The following TNFSF4 variants were observed in gnomAD, a reference collection of about 807,000 sequenced individuals.
TNFSF4 encodes TNF superfamily member 4, also known as tumor necrosis factor ligand superfamily member 4.
Under a neutral mutation model 7.3 loss-of-function variants are expected in TNFSF4, and 4 were observed. The observed-to-expected ratio is 0.55, with a 90% CI of 0.27 to 1.25. The LOEUF is 1.25. Ranked by LOEUF, TNFSF4 falls within the 50% of genes most tolerant of loss-of-function variation. The pLI, the probability that TNFSF4 is intolerant of heterozygous loss-of-function variation, is 0.12. For missense variants in TNFSF4, 181 were observed against 208.8 expected (o/e 0.87, Z 0.82); for synonymous variants, 76 against 83.7 (o/e 0.91, Z 0.50).
At chr1:173,283,902 C>T in the TNFSF4 span, among the ~76,000 whole-genome samples, 4,214 of 127,658 alleles carry the variant, frequency 0.033, 175 homozygotes, top group African/African-American at 0.11. Context: ...CCTCTTGTGC[C>T]AAACGGTTGG....
chr1:173,255,284 C>A, the TNFSF4 span, among the ~76,000 whole-genome samples: 5 of 152,264 alleles, frequency 3.3e-5, no homozygotes, highest in African/African-American at 1.2e-4. Context: ...CCCTAAAGTT[C>A]TGAACAGACT....
At chr1:173,282,475 T>C in the TNFSF4 span, among the ~76,000 whole-genome samples, 2 of 151,988 alleles carry the variant, frequency 1.3e-5, no homozygotes, top group Non-Finnish European at 2.9e-5. Flanking sequence ...TTTTTTTTTT[T>C]TGAGACAGAG....
the TNFSF4 span, among the ~76,000 whole-genome samples, chr1:173,244,278 A>G: frequency 6.6e-6 from 1 of 152,206 alleles, no homozygotes; most frequent in Non-Finnish European, 1.5e-5. Context: ...AGTGTCAGCT[A>G]GACAGTGCAA....
At chr1:173,203,891 T>C (rs951676570) in intron 1 of TNFSF4, among the ~76,000 whole-genome samples, 23 of 152,224 alleles carry the variant, frequency 1.5e-4, no homozygotes, top group African/African-American at 5.5e-4. Context: ...CAGGTAAGAC[T>C]GGAAGCCTGA....
the TNFSF4 span, among the ~76,000 whole-genome samples, chr1:173,326,317 C>T: frequency 6.6e-6 from 1 of 152,192 alleles, no homozygotes; most frequent in Non-Finnish European, 1.5e-5. Flanking sequence ...AATTCAACAA[C>T]CATTCATGCT....
the TNFSF4 span, among the ~76,000 whole-genome samples, chr1:173,258,428 G>T: frequency 6.6e-6 from 1 of 152,088 alleles, no homozygotes; most frequent in Non-Finnish European, 1.5e-5. Flanking sequence ...GTGAGTGATT[G>T]TGCTACCCCA....
the TNFSF4 span, among the ~76,000 whole-genome samples, chr1:173,422,076 T>G: frequency 1.3e-5 from 2 of 151,994 alleles, no homozygotes; most frequent in Non-Finnish European, 2.9e-5. Context: ...ATGTCAAGGT[T>G]AGTCCCTAGC....
the TNFSF4 span, among the ~76,000 whole-genome samples, chr1:173,416,893 G>A: frequency 3.9e-5 from 6 of 152,140 alleles, no homozygotes; most frequent in Admixed American, 6.5e-5. Context: ...CATTGTGGCC[G>A]GCCACAAATG....
At chr1:173,314,004 T>G in the TNFSF4 span, among the ~76,000 whole-genome samples, 9 of 152,108 alleles carry the variant, frequency 5.9e-5, no homozygotes, top group Non-Finnish European at 1.0e-4. Flanking sequence ...TATATTTTGC[T>G]GCATTGACTT....
At chr1:173,363,076 A>G in the TNFSF4 span, 3 of 354,264 alleles carry the variant, frequency 8.5e-6, no homozygotes, top group African/African-American at 6.5e-5. Context: ...CTTAGTTTGT[A>G]CATGTTTCCT....
At chr1:173,181,483 A>G (rs1181399811), downstream of TNFSF4, among the ~76,000 whole-genome samples, 1 of 152,222 alleles carries the variant, frequency 6.6e-6, no homozygotes, top group Non-Finnish European at 1.5e-5. Flanking sequence ...TAGATAAGCC[A>G]CAAGGATATG....
the TNFSF4 span, among the ~76,000 whole-genome samples, chr1:173,234,493 C>G: frequency 1.3e-5 from 2 of 152,188 alleles, no homozygotes; most frequent in Admixed American, 6.5e-5. Context: ...GACACATGCA[C>G]ATGTATGTTT....
the TNFSF4 span, among the ~76,000 whole-genome samples, chr1:173,419,549 G>A: frequency 6.6e-6 from 1 of 152,074 alleles, no homozygotes; most frequent in African/African-American, 2.4e-5. Context: ...GTAGAATTCT[G>A]TTACAGCAAT....
the TNFSF4 span, among the ~76,000 whole-genome samples, chr1:173,396,054 C>G: frequency 6.6e-6 from 1 of 152,194 alleles, no homozygotes; most frequent in Non-Finnish European, 1.5e-5. Flanking sequence ...CCCTCACCAC[C>G]TCTCTTTGCT....
chr1:173,234,957 A>T, the TNFSF4 span, among the ~76,000 whole-genome samples: 10 of 152,172 alleles, frequency 6.6e-5, no homozygotes, highest in Non-Finnish European at 1.2e-4. Context: ...ATAATAATTT[A>T]AAAAAAGAAA....
the TNFSF4 span, among the ~76,000 whole-genome samples, chr1:173,432,813 T>G: frequency 6.6e-6 from 1 of 152,182 alleles, no homozygotes; most frequent in Non-Finnish European, 1.5e-5. Context: ...CGACAGCAAT[T>G]TCTTAGGTAA....
At chr1:173,241,489 T>C in the TNFSF4 span, among the ~76,000 whole-genome samples, 2 of 152,344 alleles carry the variant, frequency 1.3e-5, no homozygotes, top group African/African-American at 4.8e-5. Context: ...TGTGTTCTGA[T>C]TACTCTCTAT....
the TNFSF4 span, among the ~76,000 whole-genome samples, chr1:173,326,151 CA>C: frequency 6.6e-6 from 1 of 152,162 alleles, no homozygotes; most frequent in Non-Finnish European, 1.5e-5. Context: ...AGCAGCACAT[CA>C]AAAAGCTTAT....
chr1:173,417,239 G>A, the TNFSF4 span, among the ~76,000 whole-genome samples: 1 of 152,218 alleles, frequency 6.6e-6, no homozygotes. Flanking sequence ...AGCTTTGCGG[G>A]TGCAGCAATA....
Sources: gnomAD v4.1 joint callset for allele counts (sites outside exome capture counted in the v4.1 genomes callset) on GRCh38, gnomAD v4.1.1 for gene constraint, MANE v1.5 for transcripts, NCBI Gene and HGNC (gene_info 2026-07-23, HGNC 2026-07-21) for gene names.